The following ATRNL1 variants were observed in gnomAD, a reference collection of about 807,000 sequenced individuals.
ATRNL1 encodes the protein attractin-like protein 1.
A neutral mutation model predicts 182.7 loss-of-function variants in ATRNL1; 95 were observed. That is an observed-to-expected ratio of 0.52 (90% CI 0.44 to 0.62). The LOEUF (loss-of-function observed/expected upper bound fraction) is 0.62. ATRNL1 is among the 20% of genes least tolerant of loss of function. The pLI is 0.00. For missense variants in ATRNL1, 1,471 were observed against 1,679.5 expected (o/e 0.88, Z 2.17); for synonymous variants, 576 against 568.3 (o/e 1.01, Z -0.19).
chr10:115,439,462 TAAATAA>T (rs1208947895), intron 21 of ATRNL1, among the ~76,000 whole-genome samples: 8 of 151,948 alleles, frequency 5.3e-5, no homozygotes, highest in South Asian at 4.1e-4. Flanking sequence ...AGAAAAGAGA[TAAATAA>T]AAATAAAAAT....
intron 26 of ATRNL1, among the ~76,000 whole-genome samples, chr10:115,562,869 G>T (rs1853839798): frequency 1.3e-5 from 2 of 152,082 alleles, no homozygotes; most frequent in East Asian, 3.9e-4. Context: ...GTGTGAGAAT[G>T]GGCTAATACA....
intron 26 of ATRNL1, among the ~76,000 whole-genome samples, chr10:115,561,141 A>G (rs893695280): frequency 8.5e-5 from 13 of 152,128 alleles, no homozygotes; most frequent in African/African-American, 3.1e-4. Context: ...AGAAAAAAAA[A>G]TTGGAATTCA....
chr10:115,520,305 C>T (rs1554984853), intron 25 of ATRNL1, among the ~76,000 whole-genome samples: 1 of 152,138 alleles, frequency 6.6e-6, no homozygotes, highest in African/African-American at 2.4e-5. Flanking sequence ...TTGTCTTGTC[C>T]AGATATCCAT....
At chr10:115,542,155 C>T (rs1020832302) in intron 25 of ATRNL1, among the ~76,000 whole-genome samples, 2 of 152,038 alleles carry the variant, frequency 1.3e-5, no homozygotes, top group Non-Finnish European at 2.9e-5. Context: ...AGATATTAGT[C>T]TTTCTAATAT....
At chr10:115,691,448 G>T (rs1352550506) in intron 26 of ATRNL1, among the ~76,000 whole-genome samples, 1 of 152,156 alleles carries the variant, frequency 6.6e-6, no homozygotes, top group Non-Finnish European at 1.5e-5. Context: ...CAGGCCAGGC[G>T]TGATGGCTCA....
At chr10:115,906,541 A>G (rs1329774790) in intron 28 of ATRNL1, among the ~76,000 whole-genome samples, 2 of 152,218 alleles carry the variant, frequency 1.3e-5, no homozygotes, top group Non-Finnish European at 2.9e-5. Flanking sequence ...ATACAGGCCT[A>G]CAGACAAAAT....
At chr10:115,638,663 G>T (rs1262113094) in intron 26 of ATRNL1, among the ~76,000 whole-genome samples, 1 of 152,050 alleles carries the variant, frequency 6.6e-6, no homozygotes, top group Non-Finnish European at 1.5e-5. Flanking sequence ...ACTAAAAACC[G>T]CTCTTTGGAC....
chr10:115,910,479 C>T (rs782689587), intron 28 of ATRNL1, among the ~76,000 whole-genome samples: 2 of 152,092 alleles, frequency 1.3e-5, no homozygotes, highest in African/African-American at 4.8e-5. Flanking sequence ...AACTGAGCCA[C>T]CCCCCACCCT....
intron 26 of ATRNL1, among the ~76,000 whole-genome samples, chr10:115,698,619 A>T (rs2133989172): frequency 6.6e-6 from 1 of 152,222 alleles, no homozygotes; most frequent in East Asian, 1.9e-4. Context: ...CTCTACTAAA[A>T]ATACAAAAAT....
intron 5 of ATRNL1, among the ~76,000 whole-genome samples, chr10:115,134,858 C>T (rs1845430253): frequency 6.6e-6 from 1 of 152,104 alleles, no homozygotes; most frequent in Admixed American, 6.5e-5. Context: ...GGCTTCATCC[C>T]TGAGATGCAA....
chr10:115,445,315 C>G (rs891317262), intron 21 of ATRNL1, among the ~76,000 whole-genome samples: 14 of 150,610 alleles, frequency 9.3e-5, no homozygotes, highest in African/African-American at 3.4e-4. Context: ...GCCTGTAATC[C>G]CAGTTACTCA....
intron 26 of ATRNL1, among the ~76,000 whole-genome samples, chr10:115,557,795 C>A (rs1278979682): frequency 2.6e-5 from 4 of 152,030 alleles, no homozygotes; most frequent in Non-Finnish European, 4.4e-5. Flanking sequence ...GCCTGTAATC[C>A]CGACACTTTG....
intron 8 of ATRNL1, among the ~76,000 whole-genome samples, chr10:115,200,090 C>G (rs1304005017): frequency 2.0e-5 from 3 of 151,954 alleles, no homozygotes; most frequent in Middle Eastern, 3.2e-3. Flanking sequence ...AAAAAATACC[C>G]ATTAAAGTAA....
intron 28 of ATRNL1, among the ~76,000 whole-genome samples, chr10:115,920,450 T>C (rs1953016171): frequency 6.6e-6 from 1 of 152,184 alleles, no homozygotes; most frequent in South Asian, 2.1e-4. Flanking sequence ...AAGAGTAACA[T>C]GAAGACTGTA....
At position 115,300,175 on chromosome 10, in the gene ATRNL1, G is replaced by T. The variant is rs782732694; in HGVS notation, c.2557G>T (p.Ala853Ser). 3.7e-6 allele frequency: 6 copies of T among 1,613,944 alleles called. No individual in the cohort carries two copies. In the African/African-American group the frequency reaches 8.0e-5, roughly 22 times the overall value. Residue 853 changes from alanine to serine, a missense_variant, in exon 16 of 29, where the codon GCT becomes TCT. Around this residue, in one of 3 missense-constraint regions of ATRNL1, gnomAD observed 1,031 missense variants for 1,156.0 expected, o/e 0.89. Coordinates refer to ENST00000355044, the MANE Select transcript of ATRNL1 (RefSeq NM_207303.4). ...DSGFCAYLER[A>S]AVAGLKANPC... ...TGGGTTTTGTGCATATCTGGAAAGG[G>T]CTGCAGTGGCAGGCTTAAAAGCTAA...
intron 26 of ATRNL1, among the ~76,000 whole-genome samples, chr10:115,634,370 G>C (rs1485509529): frequency 6.6e-6 from 1 of 152,076 alleles, no homozygotes; most frequent in Non-Finnish European, 1.5e-5. Flanking sequence ...TTACAGGATG[G>C]TTCAAACAAT....
intron 28 of ATRNL1, among the ~76,000 whole-genome samples, chr10:115,914,939 A>C (rs1445057801): frequency 6.6e-6 from 1 of 152,210 alleles, no homozygotes; most frequent in Non-Finnish European, 1.5e-5. Flanking sequence ...TTTATTGAGA[A>C]AGAAAAGTAT....
At chr10:115,852,734 C>A (rs1951085796) in intron 28 of ATRNL1, among the ~76,000 whole-genome samples, 2 of 152,118 alleles carry the variant, frequency 1.3e-5, no homozygotes, top group Admixed American at 1.3e-4. Context: ...AGCTTTAAAT[C>A]CAGAGTCAAG....
At chr10:115,834,701 C>T (rs985952) in intron 27 of ATRNL1, among the ~76,000 whole-genome samples, 6,349 of 152,190 alleles carry the variant, frequency 0.042, 464 homozygotes, top group African/African-American at 0.14. Context: ...GGGATGTCTA[C>T]GTGTAGAACC....
Sources: gnomAD v4.1 joint callset for allele counts (sites outside exome capture counted in the v4.1 genomes callset) on GRCh38, gnomAD v4.1.1 for gene constraint, gnomAD v4.1.1 regional missense constraint, MANE v1.5 for transcripts, NCBI Gene and HGNC (gene_info 2026-07-23, HGNC 2026-07-21) for gene names.